Variants in FAT1 observed in about 807,000 individuals in gnomAD.
FAT1 encodes the protein protocadherin Fat 1.
In FAT1, 171 loss-of-function variants were observed where a neutral mutation model predicts 329.8. The observed-to-expected ratio is 0.52, with a 90% CI of 0.46 to 0.59. FAT1 has a LOEUF of 0.59. FAT1 is among the 20% of genes least tolerant of loss of function. FAT1 has a pLI of 0.00. For missense variants in FAT1, 5,672 were observed against 5,774.4 expected (o/e 0.98, Z 0.57); for synonymous variants, 2,233 against 2,228.6 (o/e 1.00, Z -0.06).
In FAT1 at chr4:186,616,984, TG is replaced by T. The variant is rs774871179; in HGVS notation, c.9075+20del. ...GAAATTGAAATTCATAACACACAAA[TG>T]TAAGGGAAGAGCTGCTTACCTTTTC... On this transcript the variant is annotated intron_variant, in intron 11 of 26. Coordinates refer to ENST00000441802, the MANE Select transcript of FAT1 (RefSeq NM_005245.4). 1 of 1,595,782 alleles carries T rather than the reference TG, an allele frequency of 6.3e-7. No individual in the cohort carries two copies. Among genetic ancestry groups the T allele is most frequent in the African/African-American group, 1.3e-5 (1 of 74,104 alleles).
At position 186,618,702 on chromosome 4, in the gene FAT1, A is replaced by G. The variant is rs2126498103; in HGVS notation, c.7884T>C (p.Asn2628=). Residue 2628 remains asparagine (N), a synonymous_variant, in exon 10 of 27, where the codon AAT becomes AAC. Coordinates refer to ENST00000441802, the MANE Select transcript of FAT1 (RefSeq NM_005245.4). The part of the protein sequence containing the change: ...VLASDADEGS[N]ADITYAIEAD... ...CTTCAATGGCATAGGTGATGTCGGC[A>G]TTGGAGCCCTCATCGGCATCACTTG... 1 of 1,614,008 alleles carries G rather than the reference A, an allele frequency of 6.2e-7. No individual in the cohort carries two copies. The highest frequency in any genetic ancestry group is 2.2e-5 in the East Asian group (1 of 44,880).
intron 3 of FAT1, among the ~76,000 whole-genome samples, chr4:186,660,183 C>A (rs1156233245): frequency 6.6e-6 from 1 of 152,108 alleles, no homozygotes; most frequent in Non-Finnish European, 1.5e-5. Context: ...CTATTTCCTA[C>A]CGGACGGACT....
chr4:186,661,575 C>T (rs915748870), intron 3 of FAT1, among the ~76,000 whole-genome samples: 18 of 152,184 alleles, frequency 1.2e-4, no homozygotes. Flanking sequence ...CTGACTCTAC[C>T]GGGACAGAAA....
chr4:186,655,584 A>C (rs1349251701), intron 3 of FAT1, among the ~76,000 whole-genome samples: 3 of 151,932 alleles, frequency 2.0e-5, no homozygotes, highest in Non-Finnish European at 4.4e-5. Context: ...ACAGGTGTGC[A>C]CCACCACACC....
In FAT1 at chr4:186,596,390, A is replaced by G. The variant is rs529601765; in HGVS notation, c.13000+150T>C. ...CCACAATGCTAACCCAGCAATCGGG[A>G]CATCCAAAAAAGTTTCAAATCATCA... On this transcript the variant is annotated intron_variant, in intron 25 of 26. Transcript: ENST00000441802. The surrounding 1 kb of genome is among the most constrained non-coding windows in gnomAD (Gnocchi z 4.7). 1.2e-4 allele frequency: 92 copies of G among 766,608 alleles called. No individual in the cohort carries two copies. The highest frequency in any genetic ancestry group is 1.1e-3 in the South Asian group (52 of 46,712). The allele number at this position is 766,608 out of a possible 1,614,324, so 47.5% of individuals were successfully genotyped here. A position where few individuals can be genotyped will look rare whatever the true frequency, so the allele number is the denominator to read the frequency against.
At chr4:186,652,561 G>C (rs1284113698) in intron 3 of FAT1, among the ~76,000 whole-genome samples, 2 of 152,162 alleles carry the variant, frequency 1.3e-5, no homozygotes, top group Non-Finnish European at 2.9e-5. Flanking sequence ...GCATGAGAAA[G>C]AGATAGGAAA....
chr4:186,694,623 G>A (rs1227163440), intron 2 of FAT1, among the ~76,000 whole-genome samples: 1 of 152,078 alleles, frequency 6.6e-6, no homozygotes, highest in Non-Finnish European at 1.5e-5. Context: ...AAAGTGTTTG[G>A]TTTTAAGTAA....
chr4:186,635,386 T>A (rs1024597307), intron 6 of FAT1, among the ~76,000 whole-genome samples: 2 of 152,214 alleles, frequency 1.3e-5, no homozygotes, highest in African/African-American at 4.8e-5. Flanking sequence ...TTCAATGTCT[T>A]ATCTAAACTA....
intron 3 of FAT1, among the ~76,000 whole-genome samples, chr4:186,655,268 T>C (rs1741849276): frequency 1.3e-5 from 2 of 152,206 alleles, no homozygotes; most frequent in South Asian, 4.1e-4. Flanking sequence ...ATAAATAAAT[T>C]TCTTTCTTAC....
intron 16 of FAT1, among the ~76,000 whole-genome samples, chr4:186,608,382 T>C (rs1739243393): frequency 1.3e-5 from 2 of 152,120 alleles, no homozygotes; most frequent in African/African-American, 4.8e-5. Flanking sequence ...GGTTGTATTT[T>C]TTTTGTTGTT....
chr4:186,632,094 G>A (rs915233449), intron 7 of FAT1, among the ~76,000 whole-genome samples: 5 of 152,256 alleles, frequency 3.3e-5, no homozygotes, highest in South Asian at 2.1e-4. Flanking sequence ...GAAGTATAAA[G>A]GAAGCAATGA....
chr4:186,625,443 A>G (rs1336925479), intron 9 of FAT1, among the ~76,000 whole-genome samples: 2 of 152,238 alleles, frequency 1.3e-5, no homozygotes, highest in Non-Finnish European at 2.9e-5. Flanking sequence ...TTAAATAAAC[A>G]TAGTTTAACC....
At chr4:186,647,872 A>G (rs1194242165) in intron 3 of FAT1, among the ~76,000 whole-genome samples, 1 of 152,188 alleles carries the variant, frequency 6.6e-6, no homozygotes, top group Non-Finnish European at 1.5e-5. Flanking sequence ...CTACCCTTCA[A>G]TCCTGACTGT....
intron 2 of FAT1, among the ~76,000 whole-genome samples, chr4:186,706,163 C>G (rs769438583): frequency 6.6e-6 from 1 of 152,154 alleles, no homozygotes; most frequent in African/African-American, 2.4e-5. Context: ...CAGATGGTAG[C>G]AGTAGTTGTT....
chr4:186,657,151 T>G (rs1741941317), intron 3 of FAT1, among the ~76,000 whole-genome samples: 1 of 152,102 alleles, frequency 6.6e-6, no homozygotes, highest in African/African-American at 2.4e-5. Flanking sequence ...CCAAGAGAAA[T>G]GGAAGTATGT....
chr4:186,673,911 G>T (rs1045295455), intron 2 of FAT1, among the ~76,000 whole-genome samples: 2 of 151,916 alleles, frequency 1.3e-5, no homozygotes, highest in Non-Finnish European at 2.9e-5. Context: ...AAGCTCTACT[G>T]TTAAAGAGGA....
At chr4:186,686,613 C>G (rs1292224255) in intron 2 of FAT1, among the ~76,000 whole-genome samples, 1 of 152,178 alleles carries the variant, frequency 6.6e-6, no homozygotes, top group Non-Finnish European at 1.5e-5. Flanking sequence ...TTTTTTTAAG[C>G]TGTTCTTTTC....
At position 186,618,161 on chromosome 4, in the gene FAT1, A is replaced by T. The variant is rs2126491897; in HGVS notation, c.8425T>A (p.Phe2809Ile). ...AATGCCTCATATGGACTAGATTCAAAGACCGGGCTGTTGTCATTTGCATCT... is the reference window on the plus strand; with the variant it reads ...AATGCCTCATATGGACTAGATTCAATGACCGGGCTGTTGTCATTTGCATCT... ...VKDANDNSPVFESSPYEAFIV... is the reference protein window; with the variant it reads ...VKDANDNSPVIESSPYEAFIV... Residue 2809 changes from phenylalanine (F) to isoleucine (I), a missense_variant, in exon 10 of 27, where the codon TTT becomes ATT. This residue lies in a region of FAT1 where 3,966 missense variants were observed against 3,915.2 expected (regional missense o/e 1.01). Coordinates refer to ENST00000441802, the MANE Select transcript of FAT1 (RefSeq NM_005245.4). The T allele has an allele frequency of 6.2e-7, 1 of 1,614,034 alleles. No homozygotes were observed. Among genetic ancestry groups the T allele is most frequent in the Non-Finnish European group, 8.5e-7 (1 of 1,179,898 alleles).
chr4:186,713,610 T>C (rs1438792866), intron 1 of FAT1, among the ~76,000 whole-genome samples: 2 of 152,202 alleles, frequency 1.3e-5, no homozygotes, highest in Non-Finnish European at 2.9e-5. Context: ...AAAATATTTA[T>C]AATTCTTCTA....
Sources: allele counts gnomAD v4.1 joint callset (sites outside exome capture counted in the v4.1 genomes callset), GRCh38; gene constraint gnomAD v4.1.1; regional missense constraint gnomAD v4.1.1; non-coding constraint Gnocchi (gnomAD v3.1); transcripts MANE v1.5; gene names NCBI Gene and HGNC (gene_info 2026-07-23, HGNC 2026-07-21).